GSDMB: variants seen among roughly 807,000 people sequenced by gnomAD.
The protein encoded by GSDMB is gasdermin-B.
A neutral mutation model predicts 42.9 loss-of-function variants in GSDMB; 32 were observed. That is an observed-to-expected ratio of 0.75 (90% CI 0.56 to 1.00). The LOEUF (loss-of-function observed/expected upper bound fraction) is 1.00. Ranked by LOEUF, GSDMB falls within the 50% of genes least tolerant of loss-of-function variation. GSDMB has a pLI of 0.00. For missense variants in GSDMB, 468 were observed against 498.5 expected (o/e 0.94, Z 0.58); for synonymous variants, 175 against 193.7 (o/e 0.90, Z 0.80).
At chr17:39,917,734 C>T in intron 1 of GSDMB, 1 of 205,478 alleles carries the variant, frequency 4.9e-6, no homozygotes, top group Non-Finnish European at 1.0e-5. Context: ...CTTTGCTGAC[C>T]CCTTTTTTGG....
At chr17:39,906,560 C>T in intron 7 of GSDMB, 1 of 1,350,682 alleles carries the variant, frequency 7.4e-7, no homozygotes, top group Non-Finnish European at 9.5e-7. Flanking sequence ...TTGGCCCTTG[C>T]CATTCAAAGT....
rs1598273989 is a variant in GSDMB at position 39,907,000 on chromosome 17, G to A, written c.701-13C>T. 6.2e-7 allele frequency: 1 copy of A among 1,613,862 alleles called. No homozygotes were observed. On this transcript the variant is annotated splice_polypyrimidine_tract_variant and intron_variant, in intron 6 of 10. Transcript: ENST00000418519. ...GCACCATCCTTCTCTGCAGAGAGAG[G>A]AAGAGTTATTTCAGAATCTTCAGAT...
intron 7 of GSDMB, 194 bp downstream of exon 7, chr17:39,906,766 TG>T (rs1361264372): frequency 5.7e-5 from 78 of 1,375,700 alleles, no homozygotes; most frequent in Non-Finnish European, 7.2e-5. Flanking sequence ...GGTGTGATTT[TG>T]GGGTATAACC....
rs770751318 is a variant in GSDMB, at chr17:39,905,965, G to A, written c.909C>T (p.Ser303=). 15 of 1,613,778 alleles carry A rather than the reference G, an allele frequency of 9.3e-6. No individual in the cohort carries two copies. The highest frequency in any genetic ancestry group is 1.6e-4 in the Middle Eastern group (1 of 6,084). ...LEQRVSEVLI[S]GELHMEDPDK... The stretch of plus-strand genomic sequence containing the variant: ...CTGGGTCCTCCATGTGTAGCTCCCC[G>A]GAAATCAGGACCTCAGATACCTAGG... Residue 303 remains serine, a synonymous_variant, in exon 9 of 11, where the codon TCC becomes TCT. Coordinates refer to ENST00000418519, the MANE Select transcript of GSDMB (RefSeq NM_001165958.2).
chr17:39,908,963 G>C lies in GSDMB; in HGVS notation c.656C>G (p.Thr219Arg), dbSNP rs150838130. 16 of 1,595,614 alleles carry C rather than the reference G, an allele frequency of 1.0e-5. No individual in the cohort carries two copies. The highest frequency in any genetic ancestry group is 8.1e-5 in the African/African-American group (6 of 74,276). Residue 219 changes from threonine to arginine, a missense_variant, in exon 5 of 11, where the codon ACG becomes AGG. By Grantham distance (71) the Thr-to-Arg change is moderately conservative. Transcript: ENST00000418519. ...VKQLVFPNKE[T>R]MNIHFRGKTK... is the part of the protein sequence containing the mutation. ...CTCCATCTGCCTTTGCTTACTCATC[G>C]TCTCCTTGTTGGGGAAGACAAGCTG...
At chr17:39,913,420 G>T (rs759181400) in intron 2 of GSDMB, among the ~76,000 whole-genome samples, 1 of 151,942 alleles carries the variant, frequency 6.6e-6, no homozygotes, top group Non-Finnish European at 1.5e-5. Flanking sequence ...GTCAGGAGTT[G>T]GAGACCAACC....
In GSDMB at chr17:39,913,334, C is replaced by T. The variant is rs114794936; in HGVS notation, c.236-837G>A. On this transcript the variant is annotated intron_variant, in intron 2 of 10. Transcript: ENST00000418519. ...ATTGGGAAATAAAAATTAAGCAGTT[C>T]TGGGTGGGCACGGTGGGGTGGCTCA... 2.4e-3 allele frequency among the ~76,000 whole-genome samples: 366 copies of T among 151,796 alleles called. 1 individual carries two copies. The highest frequency in any genetic ancestry group is 8.4e-3 in the African/African-American group (349 of 41,394).
At chr17:39,906,722 C>CTCT in intron 7 of GSDMB, 2 of 1,255,936 alleles carry the variant, frequency 1.6e-6, no homozygotes, top group Non-Finnish European at 2.1e-6. Context: ...TTTCTGGAGA[C>CTCT]GGGACTCAGT....
chr17:39,906,508 A>G lies in GSDMB; in HGVS notation c.728-237T>C, dbSNP rs903001465. The stretch of plus-strand genomic sequence containing the variant: ...CACCCCCAGTCTAGTCCCAACCCCA[A>G]ATTCTTCTCCACTTCCTGGAAAAAA... On this transcript the variant is annotated intron_variant, in intron 7 of 10. Coordinates refer to ENST00000418519, the MANE Select transcript of GSDMB (RefSeq NM_001165958.2). 5 of 1,317,322 alleles carry G rather than the reference A, an allele frequency of 3.8e-6. No individual in the cohort carries two copies. The South Asian group carries it at 7.6e-5, about 20-fold the overall frequency. The allele number at this position is 1,317,322 out of a possible 1,614,324, so 81.6% of individuals were successfully genotyped here.
intron 9 of GSDMB, 40 bp downstream of exon 9, chr17:39,905,807 C>T: frequency 6.2e-7 from 1 of 1,607,220 alleles, no homozygotes. Context: ...TCTCTGCTCA[C>T]ACTTCCTCCA....
In GSDMB at chr17:39,909,787, A is replaced by G; in HGVS notation, c.545T>C (p.Ile182Thr). 1 of 1,614,074 alleles carries G rather than the reference A, an allele frequency of 6.2e-7. No homozygotes were observed. Among genetic ancestry groups the G allele is most frequent in the African/African-American group, 1.3e-5 (1 of 75,040 alleles). Residue 182 changes from isoleucine to threonine, a missense_variant, in exon 4 of 11, where the codon ATC (isoleucine) becomes ACC (threonine). Transcript: ENST00000418519. ...SDRQYKFWSQISQGHLSYKHK... is the reference protein window; with the variant it reads ...SDRQYKFWSQTSQGHLSYKHK... ...TTTATAGCTGAGATGGCCCTGAGAG[A>G]TCTGGCTCCAAAATTTATATTGCCG...
chr17:39,905,045 TGCTGA>T (rs2063479574), intron 10 of GSDMB, 81 bp from the exon 11 acceptor site: 12 of 1,164,334 alleles, frequency 1.0e-5, no homozygotes, highest in South Asian at 7.8e-5. Flanking sequence ...CACTCCTTGC[TGCTGA>T]GCTGATAGGC....
At chr17:39,905,031 GC>G in intron 10 of GSDMB, 67 bp from the exon 11 acceptor site, 1 of 1,345,818 alleles carries the variant, frequency 7.4e-7, no homozygotes, top group Non-Finnish European at 1.1e-6. Flanking sequence ...CAAATATTTG[GC>G]CACACTCCTT....
chr17:39,915,430 T>G (rs2063692704), intron 2 of GSDMB, among the ~76,000 whole-genome samples: 1 of 152,258 alleles, frequency 6.6e-6, no homozygotes, highest in Non-Finnish European at 1.5e-5. Context: ...CCGAATTTTG[T>G]ATGCACACAG....
intron 2 of GSDMB, among the ~76,000 whole-genome samples, chr17:39,916,279 G>C (rs926530493): frequency 2.4e-5 from 2 of 82,186 alleles, no homozygotes; most frequent in Non-Finnish European, 4.6e-5. Context: ...GTTCTCATTT[G>C]ATTTTTTTTT....
chr17:39,912,023 G>A (rs2063619200), intron 3 of GSDMB, among the ~76,000 whole-genome samples: 1 of 152,058 alleles, frequency 6.6e-6, no homozygotes, highest in Non-Finnish European at 1.5e-5. Context: ...GGACAGCAGG[G>A]ATATGAGTGA....
chr17:39,907,714 C>T (rs2063530570), intron 6 of GSDMB: 1 of 150,364 alleles, frequency 6.7e-6, no homozygotes, highest in African/African-American at 2.4e-5. Context: ...GGCGACAGAG[C>T]AAGACTCTGT....
At chr17:39,908,826 C>A in intron 5 of GSDMB, 132 bp downstream of exon 5, 1 of 703,144 alleles carries the variant, frequency 1.4e-6, no homozygotes, top group South Asian at 1.7e-5. Context: ...CACCCTTTTC[C>A]CTGGACCCCT....
chr17:39,917,651 A>G (rs2063739413), intron 1 of GSDMB: 1 of 312,106 alleles, frequency 3.2e-6, no homozygotes, highest in Non-Finnish European at 6.2e-6. Context: ...ACTTTGTAAT[A>G]TTTCTCCACC....
Sources: allele counts gnomAD v4.1 joint callset (sites outside exome capture counted in the v4.1 genomes callset), GRCh38; gene constraint gnomAD v4.1.1; transcripts MANE v1.5; gene names NCBI Gene and HGNC (gene_info 2026-07-23, HGNC 2026-07-21).